The following PTGER3 variants were observed in gnomAD, a reference collection of about 807,000 sequenced individuals.
PTGER3 encodes the protein prostaglandin E receptor 3.
PTGER3 carries 22 observed loss-of-function variants against 34.7 expected under a neutral mutation model. The observed-to-expected ratio is 0.63, with a 90% confidence interval of 0.45 to 0.91. The LOEUF is 0.91. Among genes scored for constraint, PTGER3 ranks in the 40% least tolerant of loss-of-function variants. PTGER3 has a pLI of 0.00. For synonymous variants in PTGER3, 241 were observed against 230.1 expected, an observed-to-expected ratio of 1.05 and a Z score of -0.43; for missense variants, 468 against 519.4, an observed-to-expected ratio of 0.90 and a Z score of 0.96.
chr1:71,029,166 A>C (rs1343379828), intron 1 of PTGER3, among the ~76,000 whole-genome samples: 2 of 152,218 alleles, frequency 1.3e-5, no homozygotes, highest in Non-Finnish European at 2.9e-5. Flanking sequence ...TCTTATTCCT[A>C]TTCTAGTGTC....
intron 4 of PTGER3, among the ~76,000 whole-genome samples, chr1:70,917,225 T>C (rs11811234): frequency 0.031 from 4,762 of 151,658 alleles, 246 homozygotes; most frequent in African/African-American, 0.1. Context: ...CTCTGGTTAC[T>C]AGTATTTCAG....
intron 4 of PTGER3, among the ~76,000 whole-genome samples, chr1:70,901,592 T>C (rs918921795): frequency 6.6e-6 from 1 of 152,188 alleles, no homozygotes; most frequent in Non-Finnish European, 1.5e-5. Flanking sequence ...ACCATGATTA[T>C]TGTGAAGAGC....
chr1:71,023,927 A>C (rs886864827), intron 1 of PTGER3, among the ~76,000 whole-genome samples: 2 of 151,850 alleles, frequency 1.3e-5, no homozygotes. Context: ...CATCAATGAC[A>C]TGATTTGTTG....
intron 4 of PTGER3, among the ~76,000 whole-genome samples, chr1:70,883,072 A>G (rs1264537788): frequency 6.6e-6 from 1 of 152,202 alleles, no homozygotes; most frequent in African/African-American, 2.4e-5. Flanking sequence ...CAGCAACCCT[A>G]AAAGTTAATA....
chr1:71,023,855 T>C (rs1284292168), intron 1 of PTGER3, among the ~76,000 whole-genome samples: 1 of 151,678 alleles, frequency 6.6e-6, no homozygotes, highest in Non-Finnish European at 1.5e-5. Flanking sequence ...ACTTCTCTCA[T>C]TTACACCCCC....
chr1:71,016,912 A>G (rs995879874), intron 1 of PTGER3, among the ~76,000 whole-genome samples: 24 of 152,214 alleles, frequency 1.6e-4, no homozygotes, highest in African/African-American at 5.8e-4. Context: ...AAATATGGAC[A>G]ATTATACACC....
intron 4 of PTGER3, among the ~76,000 whole-genome samples, chr1:70,860,952 C>T (rs1174476722): frequency 6.6e-6 from 1 of 152,078 alleles, no homozygotes; most frequent in East Asian, 1.9e-4. Context: ...GACAATTCTA[C>T]AAAGAATACT....
At chr1:71,042,695 A>G (rs191742688) in intron 1 of PTGER3, among the ~76,000 whole-genome samples, 351 of 152,324 alleles carry the variant, frequency 2.3e-3, no homozygotes, top group African/African-American at 7.9e-3. Context: ...ATTTCTGAAA[A>G]TAATTCATCA....
At chr1:70,961,564 T>C (rs903444704) in intron 2 of PTGER3, among the ~76,000 whole-genome samples, 2 of 152,190 alleles carry the variant, frequency 1.3e-5, no homozygotes, top group African/African-American at 4.8e-5. Context: ...CCTTCACTGG[T>C]AATTCTCTGC....
chr1:70,969,422 T>C (rs1485368235), downstream of PTGER3, among the ~76,000 whole-genome samples: 1 of 152,188 alleles, frequency 6.6e-6, no homozygotes, highest in Non-Finnish European at 1.5e-5. Flanking sequence ...TCTTTCTAGG[T>C]GTCAAACACT....
chr1:70,933,470 T>C (rs1483156154), intron 4 of PTGER3, among the ~76,000 whole-genome samples: 1 of 152,228 alleles, frequency 6.6e-6, no homozygotes, highest in East Asian at 1.9e-4. Context: ...TATTTGCCGA[T>C]ATCATTTAAT....
intron 3 of PTGER3, among the ~76,000 whole-genome samples, chr1:70,973,562 C>T (rs1379516733): frequency 6.6e-6 from 1 of 152,142 alleles, no homozygotes; most frequent in East Asian, 1.9e-4. Flanking sequence ...AGAGGGGTTA[C>T]TGTACCTGAC....
intron 4 of PTGER3, among the ~76,000 whole-genome samples, chr1:70,923,354 A>T (rs369271195): frequency 5.8e-4 from 88 of 152,312 alleles, no homozygotes; most frequent in African/African-American, 2.0e-3. Context: ...CACAGAAGTG[A>T]CCAAATTTCC....
In PTGER3 at chr1:71,012,342, A is replaced by T; in HGVS notation, c.1040T>A (p.Leu347Gln). ...LNQILDPWVY[L>Q]LLRKILLRKF... ...TCGAAGAAGGATCTTTCTTAACAGC[A>T]GGTAAACCCAAGGATCCAAGATCTG... Residue 347 changes from leucine to glutamine, a missense_variant, in exon 2 of 4, where the codon CTG becomes CAG. This residue lies in a region of PTGER3 where 3 missense variants were observed against 17.5 expected (regional missense o/e 0.17). Transcript: ENST00000306666. 1 of 1,614,204 alleles carries T rather than the reference A, an allele frequency of 6.2e-7. No homozygotes were observed. The highest frequency in any genetic ancestry group is 8.5e-7 in the Non-Finnish European group (1 of 1,180,034).
At chr1:70,919,122 A>G (rs1647297981) in intron 4 of PTGER3, among the ~76,000 whole-genome samples, 1 of 152,094 alleles carries the variant, frequency 6.6e-6, no homozygotes, top group South Asian at 2.1e-4. Context: ...TATTTCTTTT[A>G]TCCCTCTGCC....
chr1:71,000,068 G>C (rs962642566), intron 2 of PTGER3, among the ~76,000 whole-genome samples: 7 of 152,158 alleles, frequency 4.6e-5, no homozygotes, highest in Non-Finnish European at 8.8e-5. Flanking sequence ...TATTTCTGGT[G>C]GTTTGAAAAT....
At chr1:70,934,003 C>T (rs1462811934) in intron 4 of PTGER3, among the ~76,000 whole-genome samples, 1 of 152,078 alleles carries the variant, frequency 6.6e-6, no homozygotes, top group Admixed American at 6.6e-5. Flanking sequence ...TAGGATGGCT[C>T]CTGTCCCTGA....
chr1:70,926,488 T>C (rs1169049202), intron 4 of PTGER3, among the ~76,000 whole-genome samples: 3 of 152,148 alleles, frequency 2.0e-5, no homozygotes, highest in African/African-American at 7.2e-5. Context: ...GTTTGTCTGT[T>C]ATTGGTGTAT....
chr1:71,021,821 A>G (rs1043325810), intron 1 of PTGER3, among the ~76,000 whole-genome samples: 1 of 151,818 alleles, frequency 6.6e-6, no homozygotes, highest in African/African-American at 2.4e-5. Flanking sequence ...AGAAAAACCT[A>G]GATGACTGAC....
Sources: allele counts gnomAD v4.1 joint callset (sites outside exome capture counted in the v4.1 genomes callset), GRCh38; gene constraint gnomAD v4.1.1; regional missense constraint gnomAD v4.1.1; transcripts MANE v1.5; gene names NCBI Gene and HGNC (gene_info 2026-07-23, HGNC 2026-07-21).